Variants in FOXQ1 observed in about 807,000 individuals in gnomAD.
FOXQ1 encodes forkhead box Q1.
FOXQ1 carries 1 observed loss-of-function variant against 0.6 expected under a neutral mutation model. The ratio of observed to expected loss-of-function variants is 1.73; its 90% CI spans 0.61 to 8.20. FOXQ1 has a LOEUF of 8.20. FOXQ1 is among the 30% of genes most tolerant of loss of function. The probability of loss-of-function intolerance (pLI) is 0.13; values close to 1 mark genes in which losing one functional copy is unlikely to be tolerated. For synonymous variants in FOXQ1, 377 were observed against 294.4 expected, an observed-to-expected ratio of 1.28 and a Z score of -2.87; for missense variants, 734 against 595.6, an observed-to-expected ratio of 1.23 and a Z score of -2.42.
At position 1,312,103 on chromosome 6, in the gene FOXQ1, G is replaced by T. The variant is rs1458961089; in HGVS notation, c.-602G>T. 2.0e-5 allele frequency among the ~76,000 whole-genome samples: 3 copies of T among 152,194 alleles called. No individual in the cohort carries two copies. The highest frequency in any genetic ancestry group is 1.3e-4 in the Admixed American group (2 of 15,288). ...GCCGGCCCGAAGGTGGAGGCGAGACGCAGCCGCGGCAGGCCAGCGGGGAGA... is the reference window on the plus strand; with the variant it reads ...GCCGGCCCGAAGGTGGAGGCGAGACTCAGCCGCGGCAGGCCAGCGGGGAGA... On this transcript the variant is annotated 5_prime_UTR_variant, in exon 1 of 1. Transcript: ENST00000296839.
chr6:1,313,362 G>A lies in FOXQ1; in HGVS notation c.658G>A (p.Ala220Thr), dbSNP rs772002125. ...CCGCCGCAAGCGCCTCAGCCACCGC[G>A]CGCCGGTCCCCGCGCCCGGGCTGCG... ...RRRRKRLSHR[A>T]PVPAPGLRPE... The change falls in exon 1 of 1, where the codon GCG becomes ACG. Residue 220 changes from alanine (A) to threonine (T), a missense_variant. Coordinates refer to ENST00000296839, the MANE Select transcript of FOXQ1 (RefSeq NM_033260.4). The surrounding 1 kb of genome is among the most constrained non-coding windows in gnomAD (Gnocchi z 5.2). 4 of 1,527,818 alleles carry A rather than the reference G, an allele frequency of 2.6e-6. No homozygotes were observed. The highest frequency in any genetic ancestry group is 2.4e-5 in the South Asian group (2 of 83,214). The allele number at this position is 1,527,818 out of a possible 1,614,324, so 94.6% of individuals were successfully genotyped here. A position where few individuals can be genotyped will look rare whatever the true frequency, so the allele number is the denominator to read the frequency against.
rs1407357414 is a variant in FOXQ1, at chr6:1,312,890, C to A, written c.186C>A (p.Gly62=). 4.7e-6 allele frequency: 6 copies of A among 1,278,246 alleles called. No homozygotes were observed. Among genetic ancestry groups the A allele is most frequent in the Non-Finnish European group, 5.9e-6 (6 of 1,014,992 alleles). 79.2% of individuals were successfully genotyped at this position (1,278,246 alleles called of 1,614,324 possible). The change falls in exon 1 of 1, where the codon GGC becomes GGA. Residue 62 remains glycine (G), a synonymous_variant. Transcript: ENST00000296839. ...GCGGCGGCGCCAGAGATACGCAGGGCGACGGCGAACAGAGTGCGGGAGGCG... is the reference window on the plus strand; with the variant it reads ...GCGGCGGCGCCAGAGATACGCAGGGAGACGGCGAACAGAGTGCGGGAGGCG... ...AAGGGARDTQ[G]DGEQSAGGGP...
rs1757599712 is a variant in FOXQ1 at position 1,313,944 on chromosome 6, A to T, written c.*28A>T. On this transcript the variant is annotated 3_prime_UTR_variant, in exon 1 of 1. Coordinates refer to ENST00000296839, the MANE Select transcript of FOXQ1 (RefSeq NM_033260.4). The surrounding 1 kb of genome is among the most constrained non-coding windows in gnomAD (Gnocchi z 5.2). ...AGCGCCGCGGGGCCCGGGAACGCCG[A>T]GTGCGCGCCGTCGGGGAGGCGGGAA... is the stretch of plus-strand genomic sequence containing the variant. The T allele has an allele frequency of 1.6e-6, 2 of 1,223,532 alleles. No individual in the cohort carries two copies. Among genetic ancestry groups the T allele is most frequent in the East Asian group, 6.5e-5 (2 of 30,906 alleles). The allele number at this position is 1,223,532 out of a possible 1,614,324, so 75.8% of individuals were successfully genotyped here. A position where few individuals can be genotyped will look rare whatever the true frequency, so the allele number is the denominator to read the frequency against.
At position 1,313,203 on chromosome 6, in the gene FOXQ1, G is replaced by C. The variant is rs1757578778; in HGVS notation, c.499G>C (p.Val167Leu). The C allele has an allele frequency of 1.2e-6, 2 of 1,609,672 alleles. No individual in the cohort carries two copies. The highest frequency in any genetic ancestry group is 1.7e-6 in the Non-Finnish European group (2 of 1,178,520). Residue 167 changes from valine (V) to leucine (L), a missense_variant, in exon 1 of 1, where the codon GTG becomes CTG. Physicochemically the swap from Val to Leu is conservative, Grantham distance 32 (BLOSUM62 1). Transcript: ENST00000296839. This position sits in a 1 kb window ranked among gnomAD's most constrained non-coding sequence, Gnocchi z 5.2. ...CAGCTACACGGGCTGGCGCAACTCCGTGCGCCACAACCTTTCGCTCAACGA... is the reference window on the plus strand; with the variant it reads ...CAGCTACACGGGCTGGCGCAACTCCCTGCGCCACAACCTTTCGCTCAACGA... Reference protein sequence around the residue: ...RGSYTGWRNSVRHNLSLNDCF... With the variant: ...RGSYTGWRNSLRHNLSLNDCF...
In FOXQ1 at chr6:1,312,756, A is replaced by T; in HGVS notation, c.52A>T (p.Ser18Cys). 7.5e-7 allele frequency: 1 copy of T among 1,330,100 alleles called. No individual in the cohort carries two copies. Among genetic ancestry groups the T allele is most frequent in the South Asian group, 2.0e-5 (1 of 50,000 alleles). 82.4% of individuals were successfully genotyped at this position (1,330,100 alleles called of 1,614,324 possible). A position where few individuals can be genotyped will look rare whatever the true frequency, so the allele number is the denominator to read the frequency against. The change falls in exon 1 of 1, where the codon AGT becomes TGT. Residue 18 changes from serine to cysteine, a missense_variant. Ser to Cys is a moderately radical substitution (Grantham distance 112, BLOSUM62 -1). Transcript: ENST00000296839. ...PRAAHGDKQG[S>C]DLEGAGGSDA... ...CGCGGCCCACGGGGACAAGCAGGGC[A>T]GTGACCTGGAGGGCGCGGGCGGCAG...
Position 1,313,619 on chromosome 6 carries a change from GCCCGCGTTC to G in FOXQ1, c.922_930del (p.Phe308_Ala310del). On this transcript the variant is annotated inframe_deletion, in exon 1 of 1. Coordinates refer to ENST00000296839, the MANE Select transcript of FOXQ1 (RefSeq NM_033260.4). This position sits in a 1 kb window ranked among gnomAD's most constrained non-coding sequence, Gnocchi z 5.2. ...GGGGCGCCGCGCCCTGCCCGCCGCT[GCCCGCGTTC>G]CCCGCGCTCCTCCCCGCGGCGCCCT... 9.0e-7 allele frequency: 1 copy of G among 1,109,382 alleles called. No homozygotes were observed. Among genetic ancestry groups the G allele is most frequent in the African/African-American group, 1.7e-5 (1 of 58,842 alleles). The allele number at this position is 1,109,382 out of a possible 1,614,324, so 68.7% of individuals were successfully genotyped here.
chr6:1,313,463 G>A lies in FOXQ1; in HGVS notation c.759G>A (p.Ser253=). 9.3e-7 allele frequency: 1 copy of A among 1,071,308 alleles called. No homozygotes were observed. The allele number at this position is 1,071,308 out of a possible 1,614,324, so 66.4% of individuals were successfully genotyped here. A position where few individuals can be genotyped will look rare whatever the true frequency, so the allele number is the denominator to read the frequency against. ...CCCCGGCCTCGCCCCGCATGCGCTC[G>A]CCCGCCCGCCAGGAGGAGCGCGCCA... ...PAAPASPRMR[S]PARQEERASP... Residue 253 remains serine, a synonymous_variant, in exon 1 of 1, where the codon TCG becomes TCA. Transcript: ENST00000296839. The surrounding 1 kb of genome is among the most constrained non-coding windows in gnomAD (Gnocchi z 5.2).
Position 1,312,484 on chromosome 6 carries a change from C to A in FOXQ1, c.-221C>A. 1.6e-6 allele frequency: 1 copy of A among 636,370 alleles called. No homozygotes were observed. The highest frequency in any genetic ancestry group is 2.2e-6 in the Non-Finnish European group (1 of 447,438). The allele number at this position is 636,370 out of a possible 1,614,324, so 39.4% of individuals were successfully genotyped here. ...CGACACCCACCCAACTCCTCCCTCT[C>A]CGCCCCATAGTCCACCCAACACTTG... On this transcript the variant is annotated 5_prime_UTR_variant, in exon 1 of 1. Transcript: ENST00000296839.
In FOXQ1 at chr6:1,314,056, C is replaced by T; in HGVS notation, c.*140C>T. On this transcript the variant is annotated 3_prime_UTR_variant, in exon 1 of 1. Transcript: ENST00000296839. ...CATCAAACGTGCCTTAAAGCTAAAGCATTTTGACAGGAGTATTTAAACTTA... is the reference window on the plus strand; with the variant it reads ...CATCAAACGTGCCTTAAAGCTAAAGTATTTTGACAGGAGTATTTAAACTTA... 1 of 1,108,662 alleles carries T rather than the reference C, an allele frequency of 9.0e-7. No homozygotes were observed. The highest frequency in any genetic ancestry group is 1.6e-5 in the African/African-American group (1 of 61,178). The allele number at this position is 1,108,662 out of a possible 1,614,324, so 68.7% of individuals were successfully genotyped here. A position where few individuals can be genotyped will look rare whatever the true frequency, so the allele number is the denominator to read the frequency against.
chr6:1,313,888 C>G lies in FOXQ1; in HGVS notation c.1184C>G (p.Pro395Arg), dbSNP rs1331459722. 17 of 1,314,658 alleles carry G rather than the reference C, an allele frequency of 1.3e-5. No individual in the cohort carries two copies. Among genetic ancestry groups the G allele is most frequent in the South Asian group, 4.5e-5 (2 of 44,520 alleles). 81.4% of individuals were successfully genotyped at this position (1,314,658 alleles called of 1,614,324 possible). The part of the protein sequence containing the change: ...ASVRRPGPHL[P>R]YPVETLLA ...GTCCGCCGCCCTGGCCCGCACCTGC[C>G]GTACCCGGTGGAGACGCTCCTAGCC... Residue 395 changes from proline (P) to arginine (R), a missense_variant, in exon 1 of 1, where the codon CCG becomes CGG. Transcript: ENST00000296839. This position sits in a 1 kb window ranked among gnomAD's most constrained non-coding sequence, Gnocchi z 5.2.
chr6:1,313,247 G>A lies in FOXQ1; in HGVS notation c.543G>A (p.Leu181=), dbSNP rs141889157. The A allele has an allele frequency of 1.7e-5, 28 of 1,610,196 alleles. No individual in the cohort carries two copies. The African/African-American group carries it at 3.3e-4, about 19-fold the overall frequency. ...LSLNDCFVKV[L]RDPSRPWGKD... ...TCAACGACTGCTTCGTCAAGGTGCT[G>A]CGCGACCCCTCGCGGCCCTGGGGCA... is the stretch of plus-strand genomic sequence containing the variant. Residue 181 remains leucine, a synonymous_variant, in exon 1 of 1, where the codon CTG becomes CTA. Transcript: ENST00000296839. This position sits in a 1 kb window ranked among gnomAD's most constrained non-coding sequence, Gnocchi z 5.2.
Position 1,312,941 on chromosome 6 carries a change from G to T in FOXQ1, c.237G>T (p.Pro79=). The T allele has an allele frequency of 7.8e-7, 1 of 1,278,274 alleles. No homozygotes were observed. Among genetic ancestry groups the T allele is most frequent in the South Asian group, 3.0e-5 (1 of 33,738 alleles). 79.2% of individuals were successfully genotyped at this position (1,278,274 alleles called of 1,614,324 possible). A position where few individuals can be genotyped will look rare whatever the true frequency, so the allele number is the denominator to read the frequency against. ...GGGPGAEEAI[P]AAAAAAVVAE... is the part of the protein sequence containing the mutation. The stretch of plus-strand genomic sequence containing the variant: ...GGCCGGGCGCGGAGGAGGCGATCCC[G>T]GCAGCAGCTGCTGCAGCGGTGGTGG... The change falls in exon 1 of 1, where the codon CCG becomes CCT. Residue 79 remains proline, a synonymous_variant. Transcript: ENST00000296839.
In FOXQ1 at chr6:1,314,162, C is replaced by A. The variant is rs898931561; in HGVS notation, c.*246C>A. Reference sequence around the variant, plus strand: ...TGTTTTAGTTTCTTTGCGAAGCCTGCTCCTCCTTCCCTTCATAAGGACTTT... The same window carrying A: ...TGTTTTAGTTTCTTTGCGAAGCCTGATCCTCCTTCCCTTCATAAGGACTTT... On this transcript the variant is annotated 3_prime_UTR_variant, in exon 1 of 1. Coordinates refer to ENST00000296839, the MANE Select transcript of FOXQ1 (RefSeq NM_033260.4). 2.3e-6 allele frequency: 1 copy of A among 427,496 alleles called. No individual in the cohort carries two copies. The allele number at this position is 427,496 out of a possible 1,614,324, so 26.5% of individuals were successfully genotyped here. A position where few individuals can be genotyped will look rare whatever the true frequency, so the allele number is the denominator to read the frequency against.
At position 1,313,427 on chromosome 6, in the gene FOXQ1, C is replaced by G. The variant is rs895693360; in HGVS notation, c.723C>G (p.Pro241=). 1,240 of 1,001,646 alleles carry G rather than the reference C, an allele frequency of 1.2e-3. 1 individual carries two copies. The highest frequency in any genetic ancestry group is 2.6e-3 in the Admixed American group (42 of 16,310). The allele number at this position is 1,001,646 out of a possible 1,614,324, so 62.0% of individuals were successfully genotyped here. A position where few individuals can be genotyped will look rare whatever the true frequency, so the allele number is the denominator to read the frequency against. ...CGGGCCTCCCCGCCGCCCCGCCGCCCGCGCCCGCCGCCCCGGCCTCGCCCC... is the reference window on the plus strand; with the variant it reads ...CGGGCCTCCCCGCCGCCCCGCCGCCGGCGCCCGCCGCCCCGGCCTCGCCCC... ...EAPGLPAAPP[P]APAAPASPRM... The change falls in exon 1 of 1, where the codon CCC becomes CCG. Residue 241 remains proline, a synonymous_variant. Coordinates refer to ENST00000296839, the MANE Select transcript of FOXQ1 (RefSeq NM_033260.4). This position sits in a 1 kb window ranked among gnomAD's most constrained non-coding sequence, Gnocchi z 5.2.
rs1757603660 is a variant in FOXQ1, at chr6:1,314,116, A to G, written c.*200A>G. 2.7e-6 allele frequency: 2 copies of G among 751,372 alleles called. No individual in the cohort carries two copies. Among genetic ancestry groups the G allele is most frequent in the Non-Finnish European group, 3.6e-6 (2 of 548,546 alleles). The allele number at this position is 751,372 out of a possible 1,614,324, so 46.5% of individuals were successfully genotyped here. On this transcript the variant is annotated 3_prime_UTR_variant, in exon 1 of 1. Transcript: ENST00000296839. ...ATTTTCCTTTGTGTTTTATAACTTT[A>G]CAGAGGACCAAAGCAATTCTTGTTT...
Position 1,314,132 on chromosome 6 carries a change from A to G in FOXQ1, c.*216A>G, listed in dbSNP as rs1359910000. The G allele has an allele frequency of 1.5e-6, 1 of 670,204 alleles. No individual in the cohort carries two copies. Among genetic ancestry groups the G allele is most frequent in the Admixed American group, 4.7e-5 (1 of 21,106 alleles). The allele number at this position is 670,204 out of a possible 1,614,324, so 41.5% of individuals were successfully genotyped here. A position where few individuals can be genotyped will look rare whatever the true frequency, so the allele number is the denominator to read the frequency against. On this transcript the variant is annotated 3_prime_UTR_variant, in exon 1 of 1. Coordinates refer to ENST00000296839, the MANE Select transcript of FOXQ1 (RefSeq NM_033260.4). Reference sequence around the variant, plus strand: ...TATAACTTTACAGAGGACCAAAGCAATTCTTGTTTTAGTTTCTTTGCGAAG... The same window carrying G: ...TATAACTTTACAGAGGACCAAAGCAGTTCTTGTTTTAGTTTCTTTGCGAAG...
At position 1,313,834 on chromosome 6, in the gene FOXQ1, G is replaced by A; in HGVS notation, c.1130G>A (p.Arg377Gln). 7.7e-7 allele frequency: 1 copy of A among 1,295,252 alleles called. No individual in the cohort carries two copies. 80.2% of individuals were successfully genotyped at this position (1,295,252 alleles called of 1,614,324 possible). ...GGCGCGCACCTGTACTGCCCCCTGC[G>A]GCTGCCCGCAGCCCTGCAGGCGGCC... Reference protein sequence around the residue: ...AGGAHLYCPLRLPAALQAASV... With the variant: ...AGGAHLYCPLQLPAALQAASV... Residue 377 changes from arginine to glutamine, a missense_variant, in exon 1 of 1, where the codon CGG becomes CAG. Transcript: ENST00000296839. This position sits in a 1 kb window ranked among gnomAD's most constrained non-coding sequence, Gnocchi z 5.2.
Position 1,313,606 on chromosome 6 carries a change from C to CCTGCCCGCCG in FOXQ1, c.911_920dup (p.Phe308AlafsTer144). 19 of 1,126,048 alleles carry CCTGCCCGCCG rather than the reference C, an allele frequency of 1.7e-5. No homozygotes were observed. The highest frequency in any genetic ancestry group is 6.4e-5 in the East Asian group (1 of 15,658). 69.8% of individuals were successfully genotyped at this position (1,126,048 alleles called of 1,614,324 possible). A position where few individuals can be genotyped will look rare whatever the true frequency, so the allele number is the denominator to read the frequency against. On this transcript the variant is annotated frameshift_variant, in exon 1 of 1. Transcript: ENST00000296839. LOFTEE classifies it low-confidence loss of function (END_TRUNC). The surrounding 1 kb of genome is among the most constrained non-coding windows in gnomAD (Gnocchi z 5.2). Reference sequence around the variant, plus strand: ...ACGACGCTTCAGTGGGGCGCCGCGCCCTGCCCGCCGCTGCCCGCGTTCCCC... The same window carrying CCTGCCCGCCG: ...ACGACGCTTCAGTGGGGCGCCGCGCCCTGCCCGCCGCTGCCCGCCGCTGCCCGCGTTCCCC...
In FOXQ1 at chr6:1,312,890, C is replaced by T. The variant is rs1407357414; in HGVS notation, c.186C>T (p.Gly62=). 1 of 1,278,354 alleles carries T rather than the reference C, an allele frequency of 7.8e-7. No individual in the cohort carries two copies. 79.2% of individuals were successfully genotyped at this position (1,278,354 alleles called of 1,614,324 possible). ...GCGGCGGCGCCAGAGATACGCAGGG[C>T]GACGGCGAACAGAGTGCGGGAGGCG... ...AAGGGARDTQ[G]DGEQSAGGGP... is the part of the protein sequence containing the mutation. The change falls in exon 1 of 1, where the codon GGC becomes GGT. Residue 62 remains glycine, a synonymous_variant. Transcript: ENST00000296839.
Sources: allele counts gnomAD v4.1 joint callset (sites outside exome capture counted in the v4.1 genomes callset), GRCh38; gene constraint gnomAD v4.1.1; non-coding constraint Gnocchi (gnomAD v3.1); transcripts MANE v1.5; gene names NCBI Gene and HGNC (gene_info 2026-07-23, HGNC 2026-07-21).